The following DMD variants were observed in gnomAD, a reference collection of about 807,000 sequenced individuals.
The protein encoded by DMD is dystrophin, also known as mutant dystrophin.
DMD carries 63 observed loss-of-function variants against 330.1 expected under a neutral mutation model. The observed-to-expected ratio is 0.19, with a 90% CI of 0.16 to 0.24. The LOEUF (loss-of-function observed/expected upper bound fraction) is 0.24, where lower values mean the gene tolerates loss of function less well. Among genes scored for constraint, DMD ranks in the 10% least tolerant of loss-of-function variants. DMD has a pLI of 1.00. For missense variants in DMD, 3,344 were observed against 2,684.1 expected (o/e 1.25, Z -5.43); for synonymous variants, 1,223 against 959.8 (o/e 1.27, Z -5.07).
chrX:33,313,676 TAAA>T (rs201536253), intron 1 of DMD, among the ~76,000 whole-genome samples: 1 of 99,237 alleles, frequency 1.0e-5, no homozygotes, highest in Non-Finnish European at 2.0e-5. Flanking sequence ...GAAGTGGATG[TAAA>T]AAAAAAAAAA....
chrX:32,408,909 T>TATCTATCCATCC (rs1557338540), intron 30 of DMD, among the ~76,000 whole-genome samples: 1 of 100,385 alleles, frequency 1.0e-5, no homozygotes, highest in African/African-American at 4.0e-5. Flanking sequence ...TCTATCTATC[T>TATCTATCCATCC]ATCCATCCAT....
intron 44 of DMD, among the ~76,000 whole-genome samples, chrX:32,159,527 G>C (rs1461648468): frequency 8.9e-6 from 1 of 111,865 alleles, no homozygotes; most frequent in Non-Finnish European, 1.9e-5. Flanking sequence ...TAAAATATTT[G>C]ATAAGTTTTA....
At chrX:32,521,445 C>G (rs1270436785) in intron 17 of DMD, among the ~76,000 whole-genome samples, 3 of 108,922 alleles carry the variant, frequency 2.8e-5, no homozygotes, top group African/African-American at 9.9e-5. Context: ...CTCCTCCACC[C>G]TATCATTATG....
At position 31,853,895 on chromosome X, in the gene DMD, C is replaced by T. The variant is rs1460550930; in HGVS notation, c.7099-17076G>A. On this transcript the variant is annotated intron_variant, in intron 48 of 78. Coordinates refer to ENST00000357033, the MANE Select transcript of DMD (RefSeq NM_004006.3). The stretch of plus-strand genomic sequence containing the variant: ...TTACAAGGCATTGGCCTCTGGGATG[C>T]ATAAGGCTTCTAGGCCAGGGTTGAC... Among the ~76,000 whole-genome samples the T allele has an allele frequency of 2.7e-5, 3 of 112,059 alleles. No homozygotes were observed. In the East Asian group the frequency reaches 8.4e-4, roughly 32 times the overall value.
At chrX:33,295,929 C>T (rs966807204) in intron 1 of DMD, among the ~76,000 whole-genome samples, 1 of 111,420 alleles carries the variant, frequency 9.0e-6, no homozygotes, top group African/African-American at 3.3e-5. Context: ...AAGAGACATC[C>T]ATGGGGGATG....
At chrX:31,231,911 T>A (rs537080145) in intron 63 of DMD, among the ~76,000 whole-genome samples, 1 of 110,132 alleles carries the variant, frequency 9.1e-6, no homozygotes, top group East Asian at 2.8e-4. Flanking sequence ...AATATTCATA[T>A]GTACTGTGGT....
chrX:31,446,702 A>AT (rs60204649), intron 59 of DMD, among the ~76,000 whole-genome samples: 7,994 of 112,310 alleles, frequency 0.071, 238 homozygotes, highest in East Asian at 0.2. Context: ...GAAATGATCC[A>AT]TATTAATTTT....
chrX:32,627,770 TATAC>T (rs2058449042), intron 11 of DMD, among the ~76,000 whole-genome samples: 1 of 111,874 alleles, frequency 8.9e-6, no homozygotes, highest in Non-Finnish European at 1.9e-5. Context: ...GGTGGAATTT[TATAC>T]AGAGATTGTC....
chrX:32,628,805 T>C (rs2058542626), intron 11 of DMD, among the ~76,000 whole-genome samples: 1 of 111,976 alleles, frequency 8.9e-6, no homozygotes, highest in South Asian at 3.7e-4. Flanking sequence ...TATTGTTTAA[T>C]TTCCATGTGT....
rs201621257 is a variant in DMD at position 31,959,769 on chromosome X, GTTT to G, written c.6614+8567_6614+8569del. Among the ~76,000 whole-genome samples the G allele has an allele frequency of 2.4e-3, 197 of 80,881 alleles. 1 individual carries two copies. The highest frequency in any genetic ancestry group is 9.3e-3 in the African/African-American group (189 of 20,349). The allele number at this position is 80,881 out of a possible 115,157, so 70.2% of individuals were successfully genotyped here. Reference sequence around the variant, plus strand: ...CTACATCTAATTCAACAGCACCGTGGTTTTTTTTTTTTTTTTTTTTTTCCTCAC... The same window carrying G: ...CTACATCTAATTCAACAGCACCGTGGTTTTTTTTTTTTTTTTTTTCCTCAC... On this transcript the variant is annotated intron_variant, in intron 45 of 78. Transcript: ENST00000357033.
chrX:32,567,421 G>C (rs2051859904), intron 15 of DMD, among the ~76,000 whole-genome samples: 1 of 111,646 alleles, frequency 9.0e-6, no homozygotes, highest in South Asian at 3.7e-4. Context: ...GTTTTGAGTT[G>C]GAGTCTAACT....
chrX:31,865,634 C>T (rs1182215099), intron 48 of DMD, among the ~76,000 whole-genome samples: 2 of 43,543 alleles, frequency 4.6e-5, no homozygotes, highest in African/African-American at 2.4e-4. Context: ...AATTGGGAAT[C>T]CATTGGTAAG....
intron 2 of DMD, among the ~76,000 whole-genome samples, chrX:32,983,570 C>A (rs1320375523): frequency 6.6e-5 from 5 of 75,393 alleles, no homozygotes; most frequent in Non-Finnish European, 1.1e-4. Flanking sequence ...CACACACACA[C>A]ACACATATAG....
At position 32,418,972 on chromosome X, in the gene DMD, C is replaced by CAAAA. The variant is rs1160282195; in HGVS notation, c.4072-7063_4072-7060dup. On this transcript the variant is annotated intron_variant, in intron 29 of 78. Coordinates refer to ENST00000357033, the MANE Select transcript of DMD (RefSeq NM_004006.3). ...TGGGTGACAGAGTGAGACTCTGTCT[C>CAAAA]AAAAAAAAAAAAAAAAAAAAAAAAA... 9.3e-3 allele frequency among the ~76,000 whole-genome samples: 126 copies of CAAAA among 13,496 alleles called. 14 individuals are homozygous for CAAAA. The highest frequency in any genetic ancestry group is 0.089 in the East Asian group (32 of 360). The allele number at this position is 13,496 out of a possible 115,157, so 11.7% of individuals were successfully genotyped here. A position where few individuals can be genotyped will look rare whatever the true frequency, so the allele number is the denominator to read the frequency against.
chrX:32,405,125 A>G (rs184554418), intron 30 of DMD, among the ~76,000 whole-genome samples: 1 of 111,714 alleles, frequency 9.0e-6, no homozygotes, highest in Non-Finnish European at 1.9e-5. Context: ...ACTAGTAGGG[A>G]ACCATCCAAA....
chrX:31,695,068 T>C (rs776198231), intron 52 of DMD, among the ~76,000 whole-genome samples: 4 of 111,133 alleles, frequency 3.6e-5, no homozygotes, highest in Non-Finnish European at 7.6e-5. Context: ...CTCATATAAA[T>C]GATGCGGTAC....
Position 31,142,220 on chromosome X carries a change from T to C in DMD, c.10921+4071A>G, listed in dbSNP as rs1269445077. The stretch of plus-strand genomic sequence containing the variant: ...GTATTGTTCTTTTTGAGCATGATAA[T>C]TGTGCTTATGCAAGAATATCTTTCA... On this transcript the variant is annotated intron_variant, in intron 76 of 78. Coordinates refer to ENST00000357033, the MANE Select transcript of DMD (RefSeq NM_004006.3). Among the ~76,000 whole-genome samples, 3 of 112,073 alleles carry C rather than the reference T, an allele frequency of 2.7e-5. No individual in the cohort carries two copies. In the Admixed American group the frequency reaches 2.9e-4, roughly 11 times the overall value.
intron 9 of DMD, among the ~76,000 whole-genome samples, chrX:32,686,665 C>A (rs1168626395): frequency 9.3e-6 from 1 of 106,959 alleles, no homozygotes; most frequent in African/African-American, 3.4e-5. Context: ...GATGTTACAA[C>A]ACTTTGAATA....
intron 49 of DMD, among the ~76,000 whole-genome samples, chrX:31,828,304 C>G (rs12393781): frequency 0.042 from 4,713 of 111,377 alleles, 88 homozygotes; most frequent in Middle Eastern, 0.055. Flanking sequence ...ACTAGAAAAT[C>G]TAGAGGAAAT....
Sources: allele counts gnomAD v4.1 joint callset (sites outside exome capture counted in the v4.1 genomes callset), GRCh38; gene constraint gnomAD v4.1.1; transcripts MANE v1.5; gene names NCBI Gene and HGNC (gene_info 2026-07-23, HGNC 2026-07-21).